The following DCC variants were observed in gnomAD, a reference collection of about 807,000 sequenced individuals.
DCC encodes the protein DCC netrin 1 receptor, also known as netrin receptor DCC.
In DCC, 58 loss-of-function variants were observed where a neutral mutation model predicts 172.5. That is an observed-to-expected ratio of 0.34 (90% confidence interval 0.27 to 0.42). The LOEUF (loss-of-function observed/expected upper bound fraction) is 0.42, where lower values mean the gene tolerates loss of function less well. Among genes scored for constraint, DCC ranks in the 10% least tolerant of loss-of-function variants. The probability of loss-of-function intolerance (pLI) is 1.00; values close to 1 mark genes in which losing one functional copy is unlikely to be tolerated. For synonymous variants in DCC, 709 were observed against 644.5 expected, an observed-to-expected ratio of 1.10 and a Z score of -1.52; for missense variants, 1,740 against 1,791.0, an observed-to-expected ratio of 0.97 and a Z score of 0.51.
chr18:52,529,928 T>TG (rs1353503664), intron 1 of DCC, among the ~76,000 whole-genome samples: 2 of 152,168 alleles, frequency 1.3e-5, no homozygotes, highest in African/African-American at 4.8e-5. Context: ...AAAAGTACCA[T>TG]GGTTAAGTCT....
chr18:52,719,022 T>C (rs1278272563), intron 1 of DCC, among the ~76,000 whole-genome samples: 1 of 152,120 alleles, frequency 6.6e-6, no homozygotes, highest in African/African-American at 2.4e-5. Flanking sequence ...AATCCCTCCT[T>C]GTCTCTTACA....
At chr18:52,790,811 G>T (rs1172103681) in intron 2 of DCC, among the ~76,000 whole-genome samples, 1 of 152,160 alleles carries the variant, frequency 6.6e-6, no homozygotes, top group Non-Finnish European at 1.5e-5. Flanking sequence ...TACAGTTGGG[G>T]TTAAGCTTTG....
chr18:53,130,971 C>T (rs1397793429), intron 7 of DCC, among the ~76,000 whole-genome samples: 1 of 152,104 alleles, frequency 6.6e-6, no homozygotes, highest in South Asian at 2.1e-4. Flanking sequence ...TAGAGAAAAA[C>T]TGTATTTGCT....
chr18:53,416,474 C>T, intron 21 of DCC: 1 of 476,282 alleles, frequency 2.1e-6, no homozygotes. Context: ...TATAATTAAG[C>T]TCAGCATAAT....
intron 24 of DCC, among the ~76,000 whole-genome samples, chr18:53,462,371 A>T (rs1333547408): frequency 5.9e-5 from 9 of 152,004 alleles, no homozygotes; most frequent in Non-Finnish European, 1.0e-4. Flanking sequence ...CTGGATTCTT[A>T]TAGGAGCATG....
intron 9 of DCC, among the ~76,000 whole-genome samples, chr18:53,192,247 A>G (rs1228145220): frequency 6.6e-6 from 1 of 152,202 alleles, no homozygotes; most frequent in East Asian, 1.9e-4. Context: ...CAAAGTGAAT[A>G]TTAATTTCAG....
rs572662131 is a variant in DCC at position 52,970,023 on chromosome 18, T to C, written c.985+44653T>C. Among the ~76,000 whole-genome samples, 235 of 152,270 alleles carry C rather than the reference T, an allele frequency of 1.5e-3. 1 individual carries two copies. Among genetic ancestry groups the C allele is most frequent in the African/African-American group, 5.4e-3 (223 of 41,572 alleles). ...TTGGAAGACTTGATTTGACACATAA[T>C]ATTTAAAAAATTACTTAATAAAGAA... On this transcript the variant is annotated intron_variant, in intron 5 of 28. Transcript: ENST00000442544.
chr18:52,953,000 CAAA>C (rs11315976), intron 5 of DCC, among the ~76,000 whole-genome samples: 258 of 52,206 alleles, frequency 4.9e-3, no homozygotes, highest in South Asian at 0.037. Context: ...TCTCCTGTCT[CAAA>C]AAAAAAAAAA....
At chr18:52,695,673 C>G (rs1279713500) in intron 1 of DCC, among the ~76,000 whole-genome samples, 1 of 152,100 alleles carries the variant, frequency 6.6e-6, no homozygotes, top group Non-Finnish European at 1.5e-5. Flanking sequence ...AATGGTAGCC[C>G]TAGTGGAAGA....
At chr18:52,844,147 A>G (rs929727563) in intron 2 of DCC, among the ~76,000 whole-genome samples, 1 of 152,126 alleles carries the variant, frequency 6.6e-6, no homozygotes, top group Non-Finnish European at 1.5e-5. Flanking sequence ...GACAAAATAC[A>G]TAGAATATTG....
chr18:53,013,399 G>A (rs1330718417), intron 5 of DCC, among the ~76,000 whole-genome samples: 2 of 151,904 alleles, frequency 1.3e-5, no homozygotes, highest in East Asian at 3.9e-4. Flanking sequence ...TTGCAGAGAC[G>A]TGGGTGAAGC....
chr18:53,397,251 A>G (rs1909011328), intron 17 of DCC, 57 bp from the exon 18 acceptor site: 1 of 1,526,692 alleles, frequency 6.6e-7, no homozygotes, highest in South Asian at 1.1e-5. Flanking sequence ...ATATGTCTTG[A>G]TTTACCAAGT....
At position 53,207,726 on chromosome 18, in the gene DCC, A is replaced by G. The variant is rs1261514621; in HGVS notation, c.1770A>G (p.Lys590=). Residue 590 remains lysine, a synonymous_variant, in exon 11 of 29, where the codon AAA becomes AAG. Transcript: ENST00000442544. ...GLSYKLEGLK[K]FTEYSLRFLA... Reference sequence around the variant, plus strand: ...CTTATAAACTGGAAGGCCTGAAAAAATTCACCGAATATAGTCTTCGATTCT... The same window carrying G: ...CTTATAAACTGGAAGGCCTGAAAAAGTTCACCGAATATAGTCTTCGATTCT... The G allele has an allele frequency of 1.2e-6, 2 of 1,613,678 alleles. No individual in the cohort carries two copies. Among genetic ancestry groups the G allele is most frequent in the South Asian group, 2.2e-5 (2 of 91,074 alleles).
chr18:52,405,453 A>T (rs926147002), intron 1 of DCC, among the ~76,000 whole-genome samples: 18 of 148,608 alleles, frequency 1.2e-4, no homozygotes, highest in Non-Finnish European at 2.6e-4. Context: ...TGGCTGCATA[A>T]ATGTCTTCTT....
chr18:53,324,107 C>T (rs756323534), intron 14 of DCC, among the ~76,000 whole-genome samples: 1 of 152,062 alleles, frequency 6.6e-6, no homozygotes, highest in Non-Finnish European at 1.5e-5. Context: ...CATGCACACA[C>T]AAAAAAGTAT....
intron 2 of DCC, among the ~76,000 whole-genome samples, chr18:52,791,324 TG>T: frequency 6.6e-6 from 1 of 152,204 alleles, no homozygotes; most frequent in Middle Eastern, 3.4e-3. Context: ...TGCTTCAGAA[TG>T]CACCCCAGGG....
At chr18:52,842,505 C>G (rs913944504) in intron 2 of DCC, among the ~76,000 whole-genome samples, 1 of 152,142 alleles carries the variant, frequency 6.6e-6, no homozygotes, top group African/African-American at 2.4e-5. Context: ...GATGCTAGCC[C>G]AATTGGGGAG....
intron 2 of DCC, among the ~76,000 whole-genome samples, chr18:52,890,622 G>C (rs1260172226): frequency 6.6e-6 from 1 of 152,114 alleles, no homozygotes; most frequent in Non-Finnish European, 1.5e-5. Context: ...GGTGGCCCCA[G>C]ATTGATGAAC....
Position 52,793,622 on chromosome 18 carries a change from T to C in DCC, c.412+41248T>C, listed in dbSNP as rs2037817266. Among the ~76,000 whole-genome samples the C allele has an allele frequency of 2.0e-5, 3 of 152,230 alleles. No individual in the cohort carries two copies. In the South Asian group the frequency reaches 6.2e-4, roughly 32 times the overall value. On this transcript the variant is annotated intron_variant, in intron 2 of 28. Coordinates refer to ENST00000442544, the MANE Select transcript of DCC (RefSeq NM_005215.4). ...TCACTCTGTTGATTGCTTCCTTTGG[T>C]GTGCAGAAGCTTTTTAGCTTAATGT...
Sources: gnomAD v4.1 joint callset for allele counts (sites outside exome capture counted in the v4.1 genomes callset) on GRCh38, gnomAD v4.1.1 for gene constraint, MANE v1.5 for transcripts, NCBI Gene and HGNC (gene_info 2026-07-23, HGNC 2026-07-21) for gene names.